ANXA8: variants seen among roughly 807,000 people sequenced by gnomAD.
ANXA8 encodes the protein VAC-beta.
In ANXA8, 9 loss-of-function variants were observed where a neutral mutation model predicts 26.8. The observed-to-expected ratio is 0.34, with a 90% confidence interval of 0.20 to 0.59. The LOEUF is 0.59. Ranked by LOEUF, ANXA8 falls within the 20% of genes least tolerant of loss-of-function variation. The pLI is 0.84. For synonymous variants in ANXA8, 39 were observed against 94.8 expected, an observed-to-expected ratio of 0.41 and a Z score of 3.42; for missense variants, 83 against 238.5, an observed-to-expected ratio of 0.35 and a Z score of 4.29.
the ANXA8 span, among the ~76,000 whole-genome samples, chr10:47,945,084 T>A: frequency 4.7e-5 from 7 of 150,466 alleles, no homozygotes; most frequent in African/African-American, 1.5e-4. Flanking sequence ...CCCTCTGGGA[T>A]GCTCTTGCTG....
chr10:47,986,146 T>C, the ANXA8 span: 1 of 149,654 alleles, frequency 6.7e-6, no homozygotes, highest in Admixed American at 6.7e-5. Context: ...TAATAGGGTA[T>C]TTGTTTAAAT....
At chr10:47,672,325 G>A in the ANXA8 span, among the ~76,000 whole-genome samples, 10 of 151,606 alleles carry the variant, frequency 6.6e-5, no homozygotes, top group African/African-American at 1.9e-4. Flanking sequence ...TACACAGAAC[G>A]ATATAGCTGG....
chr10:47,940,690 G>A, the ANXA8 span, among the ~76,000 whole-genome samples: 12 of 147,474 alleles, frequency 8.1e-5, no homozygotes, highest in East Asian at 4.3e-4. Context: ...TTAGCCAGGC[G>A]TGGTGGTGGG....
chr10:47,970,801 A>T, the ANXA8 span, among the ~76,000 whole-genome samples: 2 of 151,380 alleles, frequency 1.3e-5, no homozygotes, highest in Non-Finnish European at 3.0e-5. Context: ...GTAATGGACA[A>T]AACAGCCCTG....
chr10:47,475,248 C>A (rs879013409), intron 6 of ANXA8, among the ~76,000 whole-genome samples: 1 of 138,112 alleles, frequency 7.2e-6, no homozygotes, highest in Non-Finnish European at 1.6e-5. Flanking sequence ...TGGCATGAGG[C>A]CTGCACGAAG....
At chr10:47,573,338 C>T in the ANXA8 span, among the ~76,000 whole-genome samples, 3 of 150,158 alleles carry the variant, frequency 2.0e-5, no homozygotes, top group African/African-American at 5.0e-5. Context: ...ACTATGTTGC[C>T]CAGGCTTGTA....
the ANXA8 span, among the ~76,000 whole-genome samples, chr10:47,652,219 G>A: frequency 6.6e-6 from 1 of 151,866 alleles, no homozygotes. Flanking sequence ...AGTGTAGATG[G>A]TTGCAAAATG....
chr10:47,944,475 T>C, the ANXA8 span, among the ~76,000 whole-genome samples: 1 of 150,172 alleles, frequency 6.7e-6, no homozygotes, highest in Admixed American at 6.6e-5. Context: ...GCCCATCTAA[T>C]CTCCTGATAT....
the ANXA8 span, among the ~76,000 whole-genome samples, chr10:47,679,009 C>G: frequency 6.8e-5 from 8 of 117,476 alleles, no homozygotes; most frequent in African/African-American, 2.8e-4. Flanking sequence ...TGCCACTACA[C>G]TACAGCCTGG....
At chr10:47,968,590 C>G in the ANXA8 span, among the ~76,000 whole-genome samples, 1 of 138,086 alleles carries the variant, frequency 7.2e-6, no homozygotes, top group East Asian at 2.1e-4. Context: ...TCCACGACCA[C>G]CACCAAAGTT....
At chr10:47,485,006 A>G (rs1840007146), upstream of ANXA8, among the ~76,000 whole-genome samples, 1 of 147,006 alleles carries the variant, frequency 6.8e-6, no homozygotes, top group Non-Finnish European at 1.5e-5. Context: ...GGCCGCCGCC[A>G]TCCCCAGCCC....
chr10:47,954,427 A>C, the ANXA8 span, among the ~76,000 whole-genome samples: 44 of 151,144 alleles, frequency 2.9e-4, no homozygotes, highest in African/African-American at 1.0e-3. Context: ...TGGGAAATGG[A>C]GATGGTTAAT....
chr10:47,687,914 A>G, the ANXA8 span, among the ~76,000 whole-genome samples: 1 of 151,820 alleles, frequency 6.6e-6, no homozygotes, highest in Non-Finnish European at 1.5e-5. Flanking sequence ...AGCCTGGCCA[A>G]CATGGTGACA....
chr10:47,489,168 C>A, the ANXA8 span, among the ~76,000 whole-genome samples: 12 of 147,626 alleles, frequency 8.1e-5, no homozygotes, highest in African/African-American at 3.0e-4. Context: ...TAGGCACCCA[C>A]CACCATGCCC....
At chr10:47,981,055 A>C in the ANXA8 span, among the ~76,000 whole-genome samples, 1 of 150,692 alleles carries the variant, frequency 6.6e-6, no homozygotes, top group African/African-American at 2.4e-5. Flanking sequence ...AATTATCAAC[A>C]AAATACTAGC....
chr10:47,555,955 A>C, the ANXA8 span, among the ~76,000 whole-genome samples: 526 of 152,072 alleles, frequency 3.5e-3, 13 homozygotes, highest in African/African-American at 0.012. Context: ...GAGAATGAAA[A>C]AGAAAAGACA....
upstream of ANXA8, chr10:47,484,517 C>A (rs1351140102): frequency 2.8e-5 from 38 of 1,365,300 alleles, no homozygotes; most frequent in Middle Eastern, 4.4e-4. Context: ...AGGTGGCAGG[C>A]GGCACAGCCA....
chr10:47,937,146 C>T, the ANXA8 span, among the ~76,000 whole-genome samples: 1 of 149,884 alleles, frequency 6.7e-6, no homozygotes, highest in Non-Finnish European at 1.5e-5. Flanking sequence ...ATTACCCATG[C>T]CTGCCCCCCA....
the ANXA8 span, among the ~76,000 whole-genome samples, chr10:47,687,741 T>C: frequency 6.6e-6 from 1 of 151,894 alleles, no homozygotes; most frequent in Non-Finnish European, 1.5e-5. Context: ...ATTCTTTCTA[T>C]GAGGATTAAA....
Sources: gnomAD v4.1 joint callset for allele counts (sites outside exome capture counted in the v4.1 genomes callset) on GRCh38, gnomAD v4.1.1 for gene constraint, MANE v1.5 for transcripts, NCBI Gene and HGNC (gene_info 2026-07-23, HGNC 2026-07-21) for gene names.